SQLE: variants seen among roughly 807,000 people sequenced by gnomAD.
SQLE encodes the protein squalene monooxygenase.
SQLE carries 29 observed loss-of-function variants against 60.7 expected under a neutral mutation model. That is an observed-to-expected ratio of 0.48 (90% confidence interval 0.36 to 0.65). The LOEUF is 0.65. Ranked by LOEUF, SQLE falls within the 30% of genes least tolerant of loss-of-function variation. SQLE has a pLI of 0.00. For missense variants in SQLE, 605 were observed against 684.1 expected (o/e 0.88, Z 1.29); for synonymous variants, 237 against 246.8 (o/e 0.96, Z 0.37).
Position 124,998,857 on chromosome 8 carries a change from AAAG to A in SQLE, c.-543_-541del. The A allele has an allele frequency of 2.5e-6, 1 of 401,762 alleles. No homozygotes were observed. The highest frequency in any genetic ancestry group is 4.4e-6 in the Non-Finnish European group (1 of 226,416). The allele number at this position is 401,762 out of a possible 1,614,324, so 24.9% of individuals were successfully genotyped here. A position where few individuals can be genotyped will look rare whatever the true frequency, so the allele number is the denominator to read the frequency against. Reference sequence around the variant, plus strand: ...CTGTACAGTGTCTCCGTCCGCGGAAAAAGAAGCCTCTGAACCCGCGCCGGCCCG... The same window carrying A: ...CTGTACAGTGTCTCCGTCCGCGGAAAAAGCCTCTGAACCCGCGCCGGCCCG... On this transcript the variant is annotated 5_prime_UTR_variant, in exon 1 of 11. Transcript: ENST00000265896.
intron 1 of SQLE, among the ~76,000 whole-genome samples, chr8:125,002,963 G>A (rs1240678396): frequency 1.3e-5 from 2 of 152,038 alleles, no homozygotes; most frequent in Admixed American, 6.5e-5. Flanking sequence ...ATTTTATTGG[G>A]ATAATATGAC....
rs1285776263 is a variant in SQLE, at chr8:124,999,067, G to A, written c.-337G>A. 2 of 289,516 alleles carry A rather than the reference G, an allele frequency of 6.9e-6. No homozygotes were observed. The highest frequency in any genetic ancestry group is 6.3e-6 in the Non-Finnish European group (1 of 158,302). 17.9% of individuals were successfully genotyped at this position (289,516 alleles called of 1,614,324 possible). Reference sequence around the variant, plus strand: ...AGTATCAGAAGAGTATCCATCACCCGCAGCAACCGCTCAGGGAACACCATC... The same window carrying A: ...AGTATCAGAAGAGTATCCATCACCCACAGCAACCGCTCAGGGAACACCATC... On this transcript the variant is annotated 5_prime_UTR_variant, in exon 1 of 11. Transcript: ENST00000265896.
rs1266478069 is a variant in SQLE, at chr8:125,003,233, T to A, written c.349T>A (p.Ser117Thr). Residue 117 changes from serine to threonine, a missense_variant, in exon 2 of 11, where the codon TCA becomes ACA. By Grantham distance (58) the Ser-to-Thr change is moderately conservative (BLOSUM62 1). Transcript: ENST00000265896. ...TSLIGTAACT[S>T]TSSQNDPEVI... Reference sequence around the variant, plus strand: ...CTTAATAGGAACAGCTGCCTGTACATCAACATCTTCTCAGAATGACCCAGA... The same window carrying A: ...CTTAATAGGAACAGCTGCCTGTACAACAACATCTTCTCAGAATGACCCAGA... The A allele has an allele frequency of 6.2e-7, 1 of 1,613,754 alleles. No individual in the cohort carries two copies. The highest frequency in any genetic ancestry group is 8.5e-7 in the Non-Finnish European group (1 of 1,179,870).
At chr8:125,006,256 G>T (rs1247316267) in intron 3 of SQLE, among the ~76,000 whole-genome samples, 3 of 152,212 alleles carry the variant, frequency 2.0e-5, no homozygotes, top group African/African-American at 7.2e-5. Flanking sequence ...AAGTGAAGAA[G>T]CAAGTGGACT....
In SQLE at chr8:124,998,884, C is replaced by T. The variant is rs13266494; in HGVS notation, c.-520C>T. On this transcript the variant is annotated 5_prime_UTR_variant, in exon 1 of 11. Transcript: ENST00000265896. ...AGAAGCCTCTGAACCCGCGCCGGCCCGCAGCCCCCGTGCCTTCCGGCCGCT... is the reference window on the plus strand; with the variant it reads ...AGAAGCCTCTGAACCCGCGCCGGCCTGCAGCCCCCGTGCCTTCCGGCCGCT... 4,553 of 382,320 alleles carry T rather than the reference C, an allele frequency of 0.012. 35 individuals carry two copies. Among genetic ancestry groups the T allele is most frequent in the Non-Finnish European group, 0.017 (3,597 of 214,896 alleles). The allele number at this position is 382,320 out of a possible 1,614,324, so 23.7% of individuals were successfully genotyped here.
intron 10 of SQLE, among the ~76,000 whole-genome samples, chr8:125,021,241 G>A (rs557054874): frequency 3.3e-5 from 5 of 152,206 alleles, no homozygotes; most frequent in Admixed American, 1.3e-4. Flanking sequence ...AGTTTTGAGC[G>A]TACAGACATA....
intron 2 of SQLE, among the ~76,000 whole-genome samples, chr8:125,004,991 A>G (rs1026230242): frequency 1.3e-5 from 2 of 152,188 alleles, no homozygotes; most frequent in African/African-American, 4.8e-5. Context: ...AGTCACTTTT[A>G]ATGGATAGTA....
intron 8 of SQLE, 97 bp downstream of exon 8, chr8:125,018,298 C>T (rs959735228): frequency 4.8e-6 from 6 of 1,254,712 alleles, no homozygotes; most frequent in South Asian, 4.4e-5. Context: ...TACTAAGGAA[C>T]CTGATGCTTT....
chr8:125,012,665 G>T (rs1439162749), intron 7 of SQLE, among the ~76,000 whole-genome samples: 1 of 152,196 alleles, frequency 6.6e-6, no homozygotes, highest in Non-Finnish European at 1.5e-5. Context: ...TCAATTGATA[G>T]ATATTTGGGT....
Position 125,007,427 on chromosome 8 carries a change from AG to A in SQLE, c.763del (p.Glu255ArgfsTer6), listed in dbSNP as rs778859342. 2 of 1,557,092 alleles carry A rather than the reference AG, an allele frequency of 1.3e-6. No homozygotes were observed. Among genetic ancestry groups the A allele is most frequent in the South Asian group, 2.4e-5 (2 of 84,138 alleles). On this transcript the variant is annotated frameshift_variant, in exon 4 of 11. Transcript: ENST00000265896. LOFTEE classifies it high-confidence loss of function. ...TTGAAGGTGTTGTGTTACAGTTATT[AG>A]AGGAAGATGATGTTGTGATGGGAGT... ...FIEGVVLQLL[E>X]EDDVVMGVQY...
chr8:125,003,047 G>T, intron 1 of SQLE, 129 bp from the exon 2 acceptor site: 1 of 720,998 alleles, frequency 1.4e-6, no homozygotes, highest in African/African-American at 1.8e-5. Context: ...GTAACAATTT[G>T]TTTGGTTTGA....
chr8:125,009,221 C>G lies in SQLE; in HGVS notation c.986C>G (p.Pro329Arg), dbSNP rs746940840. The G allele has an allele frequency of 6.2e-7, 1 of 1,613,600 alleles. No individual in the cohort carries two copies. Among genetic ancestry groups the G allele is most frequent in the Admixed American group, 1.7e-5 (1 of 59,976 alleles). ...CATGCTGAACTTATTTTAGCTAACC[C>G]GAGTCCAGTTCTCATCTACCAGATT... ...ANHAELILAN[P>R]SPVLIYQISS... is the part of the protein sequence containing the mutation. Residue 329 changes from proline to arginine, a missense_variant, in exon 6 of 11, where the codon CCG (proline) becomes CGG (arginine). Transcript: ENST00000265896.
rs767059911 is a variant in SQLE at position 125,022,022 on chromosome 8, T to C, written c.*77T>C. 710 of 1,135,822 alleles carry C rather than the reference T, an allele frequency of 6.3e-4. 1 individual carries two copies. Among genetic ancestry groups the C allele is most frequent in the Non-Finnish European group, 8.4e-4 (683 of 815,862 alleles). The allele number at this position is 1,135,822 out of a possible 1,614,324, so 70.4% of individuals were successfully genotyped here. ...AGAGACTTTTGGAAGAGGATATATA[T>C]AGCATAGTACCATACCACTTATAAA... On this transcript the variant is annotated 3_prime_UTR_variant, in exon 11 of 11. Transcript: ENST00000265896.
Position 125,003,300 on chromosome 8 carries a change from C to T in SQLE, c.416C>T (p.Ala139Val), listed in dbSNP as rs1048858. ...GCTGGCGTGCTTGGCTCTGCTTTGGCAGCTGTGCTTTCCAGAGATGGAAGA... is the reference window on the plus strand; with the variant it reads ...GCTGGCGTGCTTGGCTCTGCTTTGGTAGCTGTGCTTTCCAGAGATGGAAGA... ...VGAGVLGSAL[A>V]AVLSRDGRKV... Residue 139 changes from alanine to valine, a missense_variant, in exon 2 of 11, where the codon GCA becomes GTA. Physicochemically the swap from Ala to Val is moderately conservative, Grantham distance 64. Coordinates refer to ENST00000265896, the MANE Select transcript of SQLE (RefSeq NM_003129.4). 5.0e-6 allele frequency: 8 copies of T among 1,613,974 alleles called. No homozygotes were observed. The South Asian group carries it at 7.7e-5, about 16-fold the overall frequency.
chr8:124,999,908 G>C (rs984519184), intron 1 of SQLE: 3 of 732,918 alleles, frequency 4.1e-6, no homozygotes, highest in African/African-American at 3.5e-5. Flanking sequence ...AGCATTGGTT[G>C]AGCCTCAGAT....
At position 125,016,206 on chromosome 8, in the gene SQLE, C is replaced by G. The variant is rs1324874399; in HGVS notation, c.1205-1853C>G. ...CTTCAAATAAACTTTCTACCCTCAT[C>G]TTTCTATCTCCTTTTAAAGGCCAAG... On this transcript the variant is annotated intron_variant, in intron 7 of 10. Coordinates refer to ENST00000265896, the MANE Select transcript of SQLE (RefSeq NM_003129.4). The surrounding 1 kb of genome is among the most constrained non-coding windows in gnomAD (Gnocchi z 4.1). Among the ~76,000 whole-genome samples the G allele has an allele frequency of 1.6e-5, 2 of 124,710 alleles. No homozygotes were observed. Among genetic ancestry groups the G allele is most frequent in the Non-Finnish European group, 3.1e-5 (2 of 63,574 alleles). 81.8% of individuals were successfully genotyped at this position (124,710 alleles called of 152,430 possible).
chr8:125,011,355 T>C (rs1815037340), intron 6 of SQLE, 182 bp from the exon 7 acceptor site: 2 of 436,558 alleles, frequency 4.6e-6, no homozygotes, highest in Non-Finnish European at 8.0e-6. Flanking sequence ...CATTAACAGC[T>C]AAGTGCTTAA....
Position 124,998,505 on chromosome 8 carries a change from G to A in SQLE, c.-899G>A, listed in dbSNP as rs1814780566. 1 of 636,788 alleles carries A rather than the reference G, an allele frequency of 1.6e-6. No individual in the cohort carries two copies. Among genetic ancestry groups the A allele is most frequent in the Admixed American group, 2.4e-5 (1 of 42,342 alleles). The allele number at this position is 636,788 out of a possible 1,614,324, so 39.4% of individuals were successfully genotyped here. A position where few individuals can be genotyped will look rare whatever the true frequency, so the allele number is the denominator to read the frequency against. The stretch of plus-strand genomic sequence containing the variant: ...CTGGGCCGAGCCCGCCCAGCTGGCT[G>A]AGACGCGTGGAGCCTGGCGGCGAGT... On this transcript the variant is annotated 5_prime_UTR_variant, in exon 1 of 11. Coordinates refer to ENST00000265896, the MANE Select transcript of SQLE (RefSeq NM_003129.4).
In SQLE at chr8:125,007,393, CA is replaced by C; in HGVS notation, c.731del (p.Lys244SerfsTer11). 1.3e-6 allele frequency: 2 copies of C among 1,538,272 alleles called. No homozygotes were observed. Among genetic ancestry groups the C allele is most frequent in the Non-Finnish European group, 1.8e-6 (2 of 1,140,704 alleles). On this transcript the variant is annotated frameshift_variant, in exon 4 of 11. Coordinates refer to ENST00000265896, the MANE Select transcript of SQLE (RefSeq NM_003129.4). LOFTEE classifies it high-confidence loss of function. ...ATGTATTTTTTTTTATTCTTTAGTG[CA>C]AAGTTTATTGAAGGTGTTGTGTTAC... Reference protein sequence around the residue: ...LRKAAMAEPNAKFIEGVVLQL... With the variant: ...LRKAAMAEPNXKFIEGVVLQL...
Sources: gnomAD v4.1 joint callset for allele counts (sites outside exome capture counted in the v4.1 genomes callset) on GRCh38, gnomAD v4.1.1 for gene constraint, Gnocchi (gnomAD v3.1) non-coding constraint, MANE v1.5 for transcripts, NCBI Gene and HGNC (gene_info 2026-07-23, HGNC 2026-07-21) for gene names.